Variants in PTPRD observed in about 807,000 individuals in gnomAD.
The protein encoded by PTPRD is receptor-type tyrosine-protein phosphatase delta.
In PTPRD, 34 loss-of-function variants were observed where a neutral mutation model predicts 214.5. That is an observed-to-expected ratio of 0.16 (90% CI 0.12 to 0.21). The LOEUF (loss-of-function observed/expected upper bound fraction) is 0.21. Ranked by LOEUF, PTPRD falls within the 10% of genes least tolerant of loss-of-function variation. The pLI, the probability that PTPRD is intolerant of heterozygous loss-of-function variation, is 1.00. For missense variants in PTPRD, 2,545 were observed against 2,398.7 expected, an observed-to-expected ratio of 1.06 and a Z score of -1.27; for synonymous variants, 1,128 against 845.7, an observed-to-expected ratio of 1.33 and a Z score of -5.79.
At chr9:9,111,491 G>C (rs977783177) in intron 10 of PTPRD, among the ~76,000 whole-genome samples, 12 of 151,902 alleles carry the variant, frequency 7.9e-5, no homozygotes, top group African/African-American at 2.9e-4. Flanking sequence ...CCACTTTCGA[G>C]CACCCCAAAC....
At chr9:9,423,041 T>C (rs1246187040) in intron 8 of PTPRD, among the ~76,000 whole-genome samples, 1 of 152,140 alleles carries the variant, frequency 6.6e-6, no homozygotes, top group Non-Finnish European at 1.5e-5. Flanking sequence ...GAGTCTAGAC[T>C]TTGAAAATTC....
At chr9:9,430,568 G>A (rs2082696414) in intron 8 of PTPRD, among the ~76,000 whole-genome samples, 1 of 152,074 alleles carries the variant, frequency 6.6e-6, no homozygotes, top group South Asian at 2.1e-4. Context: ...AAGTTCATAT[G>A]GAACAAAAAA....
chr9:9,685,287 T>C (rs1033138488), intron 7 of PTPRD, among the ~76,000 whole-genome samples: 3 of 150,700 alleles, frequency 2.0e-5, no homozygotes, highest in Non-Finnish European at 3.0e-5. Flanking sequence ...TATGTATCCA[T>C]AGTTTATAGA....
intron 5 of PTPRD, among the ~76,000 whole-genome samples, chr9:9,935,842 A>G (rs1282145736): frequency 3.6e-4 from 52 of 144,382 alleles, no homozygotes; most frequent in East Asian, 1.3e-3. Flanking sequence ...ACAAGGCTAC[A>G]GTAACCAAAA....
rs1397483408 is a variant in PTPRD at position 8,504,248 on chromosome 9, G to T, written c.1822+13C>A. ...AATAAAAAGGCAGAAAGTAAGCAAA[G>T]AGAGACACCTACTTGACTGCATGGT... On this transcript the variant is annotated intron_variant, in intron 23 of 45. Coordinates refer to ENST00000381196, the MANE Select transcript of PTPRD (RefSeq NM_002839.4). 1.2e-6 allele frequency: 2 copies of T among 1,613,706 alleles called. No individual in the cohort carries two copies. Among genetic ancestry groups the T allele is most frequent in the South Asian group, 2.2e-5 (2 of 90,966 alleles).
At chr9:9,980,615 A>C (rs866982537) in intron 4 of PTPRD, among the ~76,000 whole-genome samples, 83 of 22,324 alleles carry the variant, frequency 3.7e-3, no homozygotes, top group African/African-American at 0.012. Context: ...TGTCAAAAAA[A>C]AACAAAAAAA....
chr9:9,560,590 C>G (rs116136789), intron 8 of PTPRD, among the ~76,000 whole-genome samples: 3 of 152,150 alleles, frequency 2.0e-5, no homozygotes, highest in Non-Finnish European at 4.4e-5. Context: ...CATGGCTGAC[C>G]GGGCAAGCCT....
chr9:8,537,298 C>G (rs2077188229), intron 14 of PTPRD, among the ~76,000 whole-genome samples: 1 of 151,604 alleles, frequency 6.6e-6, no homozygotes, highest in African/African-American at 2.4e-5. Context: ...TTTCTAATTA[C>G]AAATCAAATG....
At chr9:8,479,688 C>A (rs2096840004) in intron 30 of PTPRD, among the ~76,000 whole-genome samples, 1 of 152,170 alleles carries the variant, frequency 6.6e-6, no homozygotes, top group African/African-American at 2.4e-5. Flanking sequence ...ATTCTAGCAA[C>A]ACAATTTGGT....
At chr9:9,018,441 G>C (rs1430363062) in intron 11 of PTPRD, among the ~76,000 whole-genome samples, 1 of 152,064 alleles carries the variant, frequency 6.6e-6, no homozygotes, top group African/African-American at 2.4e-5. Context: ...TTTAGGACTT[G>C]AAATTTCACT....
chr9:8,397,539 G>A lies in PTPRD; in HGVS notation c.4210+6998C>T, dbSNP rs528709739. Among the ~76,000 whole-genome samples the A allele has an allele frequency of 5.3e-5, 8 of 152,208 alleles. No homozygotes were observed. The East Asian group carries it at 1.5e-3, about 29-fold the overall frequency. Reference sequence around the variant, plus strand: ...CTTGCCCAAAAAAAGAAAAGAAAAAGATATTTTACAGCATGGGTACAATGT... The same window carrying A: ...CTTGCCCAAAAAAAGAAAAGAAAAAAATATTTTACAGCATGGGTACAATGT... On this transcript the variant is annotated intron_variant, in intron 36 of 45. Coordinates refer to ENST00000381196, the MANE Select transcript of PTPRD (RefSeq NM_002839.4).
chr9:10,382,280 G>C (rs59710442), intron 2 of PTPRD, among the ~76,000 whole-genome samples: 4,705 of 151,878 alleles, frequency 0.031, 236 homozygotes, highest in African/African-American at 0.11. Flanking sequence ...ACTCTTGTTT[G>C]TATTCTTCTT....
chr9:9,591,627 G>A (rs558182588), intron 7 of PTPRD, among the ~76,000 whole-genome samples: 44 of 152,094 alleles, frequency 2.9e-4, no homozygotes, highest in African/African-American at 1.0e-3. Context: ...TAAATTCAGT[G>A]AATACATATT....
intron 8 of PTPRD, among the ~76,000 whole-genome samples, chr9:9,479,627 C>G (rs553054134): frequency 6.6e-6 from 1 of 152,030 alleles, no homozygotes; most frequent in African/African-American, 2.4e-5. Flanking sequence ...TTATTAGATA[C>G]CATTCTTCCA....
At chr9:9,062,897 T>C (rs1484416482) in intron 10 of PTPRD, among the ~76,000 whole-genome samples, 1 of 152,292 alleles carries the variant, frequency 6.6e-6, no homozygotes, top group East Asian at 1.9e-4. Flanking sequence ...CACAGGGGTG[T>C]TTTAAGTAGT....
chr9:8,745,686 C>G lies in PTPRD; in HGVS notation c.-103-11740G>C, dbSNP rs546458675. 1.4e-4 allele frequency among the ~76,000 whole-genome samples: 22 copies of G among 152,272 alleles called. 1 individual carries two copies. The highest frequency in any genetic ancestry group is 5.1e-4 in the African/African-American group (21 of 41,558). On this transcript the variant is annotated intron_variant, in intron 11 of 45. Transcript: ENST00000381196. Reference sequence around the variant, plus strand: ...ACCAGTAATAGATTTTCTAAATTCTCACGTTTGTAATTGAACGAATAACAT... The same window carrying G: ...ACCAGTAATAGATTTTCTAAATTCTGACGTTTGTAATTGAACGAATAACAT...
At chr9:9,081,767 T>G (rs2099759413) in intron 10 of PTPRD, among the ~76,000 whole-genome samples, 4 of 152,144 alleles carry the variant, frequency 2.6e-5, no homozygotes, top group Admixed American at 6.6e-5. Context: ...CTTTGTCTTT[T>G]TTGATCTTTG....
rs147825992 is a variant in PTPRD, at chr9:10,569,540, T to A, written c.-600+42858A>T. Among the ~76,000 whole-genome samples, 402 of 152,028 alleles carry A rather than the reference T, an allele frequency of 2.6e-3. 2 individuals carry two copies. The highest frequency in any genetic ancestry group is 8.9e-3 in the African/African-American group (371 of 41,490). On this transcript the variant is annotated intron_variant, in intron 2 of 45. Transcript: ENST00000381196. ...CTCTCTCTCTCTCTCTCTGTGTGTATATATATATACAGGCTTTTTACCTCC... is the reference window on the plus strand; with the variant it reads ...CTCTCTCTCTCTCTCTCTGTGTGTAAATATATATACAGGCTTTTTACCTCC...
chr9:10,248,212 G>T (rs960426209), intron 3 of PTPRD, among the ~76,000 whole-genome samples: 1 of 152,056 alleles, frequency 6.6e-6, no homozygotes, highest in Non-Finnish European at 1.5e-5. Context: ...CAGAGTGGAG[G>T]CAAGCAGTAA....
Sources: gnomAD v4.1 joint callset for allele counts (sites outside exome capture counted in the v4.1 genomes callset) on GRCh38, gnomAD v4.1.1 for gene constraint, MANE v1.5 for transcripts, NCBI Gene and HGNC (gene_info 2026-07-23, HGNC 2026-07-21) for gene names.